NPC2: variants seen among roughly 807,000 people sequenced by gnomAD.
NPC2 encodes the protein Niemann-Pick disease type C2 protein.
A neutral mutation model predicts 17.0 loss-of-function variants in NPC2; 14 were observed. The ratio of observed to expected loss-of-function variants is 0.82; its 90% CI spans 0.54 to 1.29. NPC2 has a LOEUF of 1.29. Among genes scored for constraint, NPC2 ranks in the 50% most tolerant of loss-of-function variants. The probability of loss-of-function intolerance (pLI) is 0.00; values close to 1 mark genes in which losing one functional copy is unlikely to be tolerated. For synonymous variants in NPC2, 75 were observed against 69.3 expected, an observed-to-expected ratio of 1.08 and a Z score of -0.41; for missense variants, 167 against 183.4, an observed-to-expected ratio of 0.91 and a Z score of 0.52.
chr14:74,482,253 A>G (rs546462298), intron 3 of NPC2, among the ~76,000 whole-genome samples: 74 of 152,302 alleles, frequency 4.9e-4, no homozygotes, highest in Admixed American at 4.6e-4. Context: ...AATGTTCTTT[A>G]ATTACTTACC....
chr14:74,493,323 G>A (rs2086798902), upstream of NPC2: 4 of 1,591,914 alleles, frequency 2.5e-6, no homozygotes, highest in East Asian at 4.5e-5. The surrounding 1 kb of genome is among the most constrained non-coding windows in gnomAD (Gnocchi z 4.1). Flanking sequence ...GGCCGCCCGC[G>A]GTCACAAGAC....
upstream of NPC2, chr14:74,493,498 T>C: frequency 9.5e-7 from 1 of 1,047,476 alleles, no homozygotes; most frequent in Non-Finnish European, 1.4e-6. The surrounding 1 kb of genome is among the most constrained non-coding windows in gnomAD (Gnocchi z 4.1). Context: ...CTCAGAGGCC[T>C]GACCCGCCCG....
At chr14:74,484,891 T>A (rs1259142043) in intron 2 of NPC2, among the ~76,000 whole-genome samples, 1 of 152,144 alleles carries the variant, frequency 6.6e-6, no homozygotes, top group Non-Finnish European at 1.5e-5. Context: ...GGCAACTGAT[T>A]TTTGGCAGTA....
intron 3 of NPC2, among the ~76,000 whole-genome samples, chr14:74,482,685 C>T (rs1204133214): frequency 6.6e-6 from 1 of 152,186 alleles, no homozygotes; most frequent in Non-Finnish European, 1.5e-5. Flanking sequence ...TAAGACCCAG[C>T]TCAAAACCTG....
chr14:74,484,767 A>AC (rs1428990573), intron 2 of NPC2, among the ~76,000 whole-genome samples, 180 bp from the exon 3 acceptor site: 3 of 150,880 alleles, frequency 2.0e-5, no homozygotes, highest in East Asian at 1.9e-4. Flanking sequence ...AAAAAAAAAA[A>AC]AAAAAAAAAA....
At chr14:74,487,565 C>T (rs1387707993) in intron 1 of NPC2, among the ~76,000 whole-genome samples, 1 of 152,142 alleles carries the variant, frequency 6.6e-6, no homozygotes, top group African/African-American at 2.4e-5. Flanking sequence ...CCGCACCTGG[C>T]CAAAAACCGC....
chr14:74,480,568 C>A, intron 4 of NPC2, 134 bp downstream of exon 4: 1 of 839,266 alleles, frequency 1.2e-6, no homozygotes, highest in Non-Finnish European at 2.1e-6. Context: ...GTCTCAGATG[C>A]TTTTAGAGGT....
intron 2 of NPC2, among the ~76,000 whole-genome samples, chr14:74,484,839 A>C (rs1056575644): frequency 6.0e-5 from 9 of 148,932 alleles, no homozygotes; most frequent in Non-Finnish European, 1.2e-4. Flanking sequence ...ACAGTTTCTT[A>C]GGAGAATCAG....
chr14:74,491,245 G>C (rs984937751), intron 1 of NPC2, among the ~76,000 whole-genome samples: 6 of 152,002 alleles, frequency 3.9e-5, no homozygotes, highest in African/African-American at 1.5e-4. Context: ...GCTAATTTTT[G>C]TATTTTTAGT....
At chr14:74,492,101 C>T (rs1470709044) in intron 1 of NPC2, among the ~76,000 whole-genome samples, 1 of 152,120 alleles carries the variant, frequency 6.6e-6, no homozygotes, top group Non-Finnish European at 1.5e-5. Context: ...TTCGACTCTC[C>T]TATGATTTTA....
chr14:74,493,067 T>G lies in NPC2; in HGVS notation c.82+126A>C. The G allele has an allele frequency of 8.3e-7, 1 of 1,201,122 alleles. No homozygotes were observed. The highest frequency in any genetic ancestry group is 1.2e-6 in the Non-Finnish European group (1 of 858,206). 74.4% of individuals were successfully genotyped at this position (1,201,122 alleles called of 1,614,324 possible). A position where few individuals can be genotyped will look rare whatever the true frequency, so the allele number is the denominator to read the frequency against. ...CCCGACCCAGCCCATTCCAGTTAGG[T>G]AGGGTCCAAGGCTCAGCCTGGCCGC... is the stretch of plus-strand genomic sequence containing the variant. On this transcript the variant is annotated intron_variant, in intron 1 of 4. Coordinates refer to ENST00000555619, the MANE Select transcript of NPC2 (RefSeq NM_006432.5). The surrounding 1 kb of genome is among the most constrained non-coding windows in gnomAD (Gnocchi z 4.1).
intron 3 of NPC2, 30 bp downstream of exon 3, chr14:74,484,385 T>G: frequency 6.2e-7 from 1 of 1,613,034 alleles, no homozygotes; most frequent in Non-Finnish European, 8.5e-7. Context: ...TCCCAAGGCC[T>G]CCCGTGTCCT....
intron 1 of NPC2, among the ~76,000 whole-genome samples, chr14:74,491,112 C>T (rs141789604): frequency 9.0e-4 from 137 of 152,124 alleles, no homozygotes; most frequent in African/African-American, 3.2e-3. Context: ...CTTGCTCTGT[C>T]GCCAGGCTGG....
chr14:74,483,040 C>T lies in NPC2; in HGVS notation c.363+1375G>A. 2.3e-6 allele frequency: 3 copies of T among 1,280,618 alleles called. No homozygotes were observed. The East Asian group carries it at 7.3e-5, about 31-fold the overall frequency. The allele number at this position is 1,280,618 out of a possible 1,614,324, so 79.3% of individuals were successfully genotyped here. Reference sequence around the variant, plus strand: ...GTCTGCTCTGATGGTTCAGTTTGTTCAGGGAATTTTTGTTGAAAAATATGA... The same window carrying T: ...GTCTGCTCTGATGGTTCAGTTTGTTTAGGGAATTTTTGTTGAAAAATATGA... On this transcript the variant is annotated intron_variant, in intron 3 of 4. Transcript: ENST00000555619.
chr14:74,482,419 C>A (rs1271127735), intron 3 of NPC2, among the ~76,000 whole-genome samples: 3 of 152,106 alleles, frequency 2.0e-5, no homozygotes, highest in Admixed American at 2.0e-4. Context: ...GCAGGATCTA[C>A]CTTATGAGTG....
In NPC2 at chr14:74,480,742, T is replaced by G; in HGVS notation, c.401A>C (p.Lys134Thr). 1 of 1,614,164 alleles carries G rather than the reference T, an allele frequency of 6.2e-7. No homozygotes were observed. The highest frequency in any genetic ancestry group is 8.5e-7 in the Non-Finnish European group (1 of 1,179,992). ...TTCCCAGCAGAAGAGACTTTGGTTTTTGTCATCCTGAAGTTGCCACTCCAC... is the reference window on the plus strand; with the variant it reads ...TTCCCAGCAGAAGAGACTTTGGTTTGTGTCATCCTGAAGTTGCCACTCCAC... ...LVVEWQLQDD[K>T]NQSLFCWEIP... The change falls in exon 4 of 5, where the codon AAA becomes ACA. Residue 134 changes from lysine (K) to threonine (T), a missense_variant. Coordinates refer to ENST00000555619, the MANE Select transcript of NPC2 (RefSeq NM_006432.5).
At chr14:74,482,393 A>G (rs993524334) in intron 3 of NPC2, among the ~76,000 whole-genome samples, 2 of 152,210 alleles carry the variant, frequency 1.3e-5, no homozygotes, top group African/African-American at 4.8e-5. Flanking sequence ...CATATCTTTA[A>G]TACAGGTCCA....
intron 1 of NPC2, among the ~76,000 whole-genome samples, chr14:74,489,849 G>A (rs995438711): frequency 6.6e-6 from 1 of 152,176 alleles, no homozygotes; most frequent in Non-Finnish European, 1.5e-5. Flanking sequence ...ATAGCCTCAA[G>A]GCAAGATACT....
At chr14:74,487,655 T>C (rs1419696913) in intron 1 of NPC2, among the ~76,000 whole-genome samples, 1 of 152,204 alleles carries the variant, frequency 6.6e-6, no homozygotes, top group Non-Finnish European at 1.5e-5. Context: ...TTACAACATC[T>C]TTCTACCTCA....
Sources: allele counts gnomAD v4.1 joint callset (sites outside exome capture counted in the v4.1 genomes callset), GRCh38; gene constraint gnomAD v4.1.1; non-coding constraint Gnocchi (gnomAD v3.1); transcripts MANE v1.5; gene names NCBI Gene and HGNC (gene_info 2026-07-23, HGNC 2026-07-21).